The following CTNNA3 variants were observed in gnomAD, a reference collection of about 807,000 sequenced individuals.
The protein encoded by CTNNA3 is catenin alpha-3.
CTNNA3 carries 76 observed loss-of-function variants against 95.7 expected under a neutral mutation model. That is an observed-to-expected ratio of 0.79 (90% CI 0.66 to 0.96). CTNNA3 has a LOEUF of 0.96. CTNNA3 is among the 40% of genes least tolerant of loss of function. CTNNA3 has a pLI of 0.00. For missense variants in CTNNA3, 1,191 were observed against 1,089.8 expected, an observed-to-expected ratio of 1.09 and a Z score of -1.31; for synonymous variants, 431 against 374.4, an observed-to-expected ratio of 1.15 and a Z score of -1.74.
intron 11 of CTNNA3, among the ~76,000 whole-genome samples, chr10:66,492,193 A>G (rs10509268): frequency 0.065 from 9,915 of 151,984 alleles, 689 homozygotes; most frequent in African/African-American, 0.18. Flanking sequence ...TTTTTGCATA[A>G]TTCCCTTCAT....
chr10:66,926,887 G>A, intron 7 of CTNNA3: 1 of 1,519,058 alleles, frequency 6.6e-7, no homozygotes, highest in Non-Finnish European at 8.8e-7. Context: ...TCTTTTTTGG[G>A]GGGATAACTT....
chr10:66,877,441 T>C (rs1231689397), intron 7 of CTNNA3, among the ~76,000 whole-genome samples: 3 of 152,156 alleles, frequency 2.0e-5, no homozygotes, highest in Non-Finnish European at 4.4e-5. Context: ...ACTCCAGCTC[T>C]GATGCTGGCT....
chr10:67,200,333 T>A (rs1476090066), intron 6 of CTNNA3, among the ~76,000 whole-genome samples: 1 of 152,146 alleles, frequency 6.6e-6, no homozygotes, highest in Non-Finnish European at 1.5e-5. Flanking sequence ...AAATTCTTAC[T>A]ATTGATAAAA....
chr10:66,907,230 T>A (rs956213420), intron 7 of CTNNA3, among the ~76,000 whole-genome samples: 3 of 152,194 alleles, frequency 2.0e-5, no homozygotes, highest in Non-Finnish European at 4.4e-5. Context: ...AGGTAAGTTA[T>A]AATTTGTGAG....
At chr10:66,618,471 T>TA (rs746174167) in intron 10 of CTNNA3, among the ~76,000 whole-genome samples, 3 of 152,030 alleles carry the variant, frequency 2.0e-5, no homozygotes, top group African/African-American at 7.2e-5. Flanking sequence ...AAGGATTCCC[T>TA]TTTAATAAAT....
intron 11 of CTNNA3, among the ~76,000 whole-genome samples, chr10:66,512,858 T>C (rs1035830904): frequency 6.6e-6 from 1 of 152,194 alleles, no homozygotes; most frequent in Non-Finnish European, 1.5e-5. Flanking sequence ...TGTAAGTTTC[T>C]TCTGAGAAAT....
At chr10:67,504,573 G>C (rs1839374912) in intron 5 of CTNNA3, among the ~76,000 whole-genome samples, 1 of 151,774 alleles carries the variant, frequency 6.6e-6, no homozygotes, top group Admixed American at 6.6e-5. Flanking sequence ...GAAGAAAAAT[G>C]CATAGTGACT....
At chr10:67,178,030 C>T (rs1268448776) in intron 7 of CTNNA3, among the ~76,000 whole-genome samples, 4 of 152,096 alleles carry the variant, frequency 2.6e-5, no homozygotes, top group Non-Finnish European at 4.4e-5. Context: ...ACAATTTTAC[C>T]TGTGAATCTG....
intron 10 of CTNNA3, among the ~76,000 whole-genome samples, chr10:66,593,164 A>G (rs538015569): frequency 3.3e-5 from 5 of 152,268 alleles, no homozygotes; most frequent in South Asian, 2.1e-4. Context: ...AGAAAAGCCA[A>G]TTCATAGGAT....
chr10:66,192,519 A>G (rs2086733595), intron 13 of CTNNA3, among the ~76,000 whole-genome samples: 1 of 152,186 alleles, frequency 6.6e-6, no homozygotes, highest in Non-Finnish European at 1.5e-5. Flanking sequence ...GTTATAGAGA[A>G]TAAGCAAGCA....
intron 7 of CTNNA3, among the ~76,000 whole-genome samples, chr10:66,836,572 C>T (rs147837895): frequency 1.3e-5 from 2 of 152,056 alleles, no homozygotes; most frequent in South Asian, 2.1e-4. Flanking sequence ...TATTACCAGG[C>T]GAGTCCTGCA....
intron 5 of CTNNA3, among the ~76,000 whole-genome samples, chr10:67,506,343 A>G (rs1446256984): frequency 6.6e-6 from 1 of 152,212 alleles, no homozygotes. Context: ...TCACATTTGG[A>G]GCATGAGATA....
intron 13 of CTNNA3, among the ~76,000 whole-genome samples, chr10:66,174,175 AT>A (rs2085583844): frequency 6.6e-6 from 1 of 152,144 alleles, no homozygotes; most frequent in Non-Finnish European, 1.5e-5. Flanking sequence ...AAAAAGGCGG[AT>A]TGGAATTTTA....
chr10:67,165,439 C>G (rs1054507338), intron 7 of CTNNA3, among the ~76,000 whole-genome samples: 2 of 152,088 alleles, frequency 1.3e-5, no homozygotes, highest in Non-Finnish European at 2.9e-5. Context: ...TGGAATATTT[C>G]TGTATCGTTT....
rs371768526 is a variant in CTNNA3, at chr10:67,158,985, CAAGG to C, written c.1047+21328_1047+21331del. Among the ~76,000 whole-genome samples the C allele has an allele frequency of 6.3e-3, 952 of 152,104 alleles. 9 individuals carry two copies. The highest frequency in any genetic ancestry group is 0.022 in the African/African-American group (910 of 41,496). The stretch of plus-strand genomic sequence containing the variant: ...CAGTACCTGTTTTTAAAAAAAACAA[CAAGG>C]AAGTAAAACCAAAGACAGGCAGCCC... On this transcript the variant is annotated intron_variant, in intron 7 of 17. Coordinates refer to ENST00000433211, the MANE Select transcript of CTNNA3 (RefSeq NM_013266.4).
intron 9 of CTNNA3, among the ~76,000 whole-genome samples, chr10:66,651,679 A>G (rs11591928): frequency 0.67 from 101,259 of 151,876 alleles, 34,766 homozygotes; most frequent in East Asian, 0.95. Context: ...TGGGGGACCC[A>G]GCGCACCCTC....
intron 7 of CTNNA3, among the ~76,000 whole-genome samples, chr10:66,830,874 G>C (rs1447759824): frequency 6.6e-6 from 1 of 152,138 alleles, no homozygotes; most frequent in Non-Finnish European, 1.5e-5. Flanking sequence ...CTCCCAAAGT[G>C]CTGGGATTAC....
intron 13 of CTNNA3, among the ~76,000 whole-genome samples, chr10:66,155,254 C>CT (rs2084430274): frequency 6.6e-6 from 1 of 151,658 alleles, no homozygotes; most frequent in Admixed American, 6.6e-5. Context: ...CAGTAACTTC[C>CT]TAGGTATTGA....
At chr10:66,465,652 C>T (rs1838881887) in intron 11 of CTNNA3, among the ~76,000 whole-genome samples, 1 of 152,040 alleles carries the variant, frequency 6.6e-6, no homozygotes, top group African/African-American at 2.4e-5. Flanking sequence ...GGAAGCACAT[C>T]CTGTGCATTC....
Sources: allele counts gnomAD v4.1 joint callset (sites outside exome capture counted in the v4.1 genomes callset), GRCh38; gene constraint gnomAD v4.1.1; transcripts MANE v1.5; gene names NCBI Gene and HGNC (gene_info 2026-07-23, HGNC 2026-07-21).